Variants in CARMIL1 observed in about 807,000 individuals in gnomAD.
CARMIL1 encodes the protein capping protein regulator and myosin 1 linker 1, also known as F-actin-uncapping protein LRRC16A.
Under a neutral mutation model 177.1 loss-of-function variants are expected in CARMIL1, and 90 were observed. The observed-to-expected ratio is 0.51, with a 90% CI of 0.43 to 0.61. The LOEUF is 0.61. CARMIL1 is among the 20% of genes least tolerant of loss of function. CARMIL1 has a pLI of 0.00. For missense variants in CARMIL1, 1,380 were observed against 1,667.0 expected, an observed-to-expected ratio of 0.83 and a Z score of 3.00; for synonymous variants, 577 against 606.2, an observed-to-expected ratio of 0.95 and a Z score of 0.71.
At chr6:25,373,870 C>T (rs1269644635) in intron 2 of CARMIL1, among the ~76,000 whole-genome samples, 3 of 152,222 alleles carry the variant, frequency 2.0e-5, no homozygotes, top group African/African-American at 7.2e-5. Context: ...GCCTGAGCCA[C>T]TGTGCCCGGC....
chr6:25,581,298 C>T lies in CARMIL1; in HGVS notation c.2865C>T (p.Asp955=). 6.2e-7 allele frequency: 1 copy of T among 1,613,836 alleles called. No homozygotes were observed. The change falls in exon 31 of 37, where the codon GAC becomes GAT. Residue 955 remains aspartate, a synonymous_variant. Coordinates refer to ENST00000329474, the MANE Select transcript of CARMIL1 (RefSeq NM_017640.6). The part of the protein sequence containing the change: ...ALEEVPIHIE[D]PPFPSLRQEK... ...AAGAGGTACCAATTCACATCGAAGA[C>T]CCGCCCTTCCCATCCCTCAGACAGG...
At chr6:25,609,983 A>C (rs553274084) in intron 35 of CARMIL1, 67 bp from the exon 36 acceptor site, 2 of 1,445,690 alleles carry the variant, frequency 1.4e-6, no homozygotes, top group East Asian at 4.9e-5. Flanking sequence ...ATATAGATTT[A>C]CCAGGCTTTA....
intron 24 of CARMIL1, among the ~76,000 whole-genome samples, chr6:25,534,583 T>A (rs1191502827): frequency 3.3e-5 from 5 of 152,162 alleles, no homozygotes; most frequent in Non-Finnish European, 7.4e-5. Context: ...AAAATTTTTT[T>A]AAAAGCTTAT....
chr6:25,479,487 C>T (rs188742763), intron 11 of CARMIL1, among the ~76,000 whole-genome samples: 224 of 152,222 alleles, frequency 1.5e-3, no homozygotes, highest in African/African-American at 5.1e-3. Flanking sequence ...TATAATTCAA[C>T]GCCTGTAAGA....
rs1446738161 is a variant in CARMIL1 at position 25,619,683 on chromosome 6, T to C, written c.*100T>C. 1.0e-5 allele frequency: 12 copies of C among 1,199,862 alleles called. No homozygotes were observed. The highest frequency in any genetic ancestry group is 1.3e-5 in the Non-Finnish European group (12 of 895,968). 74.3% of individuals were successfully genotyped at this position (1,199,862 alleles called of 1,614,324 possible). Reference sequence around the variant, plus strand: ...TTCTTCCCAGGCGTTCTTCTCTGGGTGCTTTATTCTCTTCTTTTTCTTTAT... The same window carrying C: ...TTCTTCCCAGGCGTTCTTCTCTGGGCGCTTTATTCTCTTCTTTTTCTTTAT... On this transcript the variant is annotated 3_prime_UTR_variant, in exon 37 of 37. Coordinates refer to ENST00000329474, the MANE Select transcript of CARMIL1 (RefSeq NM_017640.6).
intron 26 of CARMIL1, among the ~76,000 whole-genome samples, chr6:25,548,910 A>G (rs113049677): frequency 2.5e-3 from 385 of 152,302 alleles, no homozygotes; most frequent in African/African-American, 8.0e-3. Context: ...TCTAAAGTCT[A>G]TCTTCACCTA....
intron 2 of CARMIL1, among the ~76,000 whole-genome samples, chr6:25,419,581 G>A (rs888707628): frequency 9.2e-5 from 14 of 152,210 alleles, no homozygotes; most frequent in Non-Finnish European, 1.5e-4. Context: ...GACTGAGAGA[G>A]GCACAGCTGA....
chr6:25,453,154 T>C, intron 8 of CARMIL1, among the ~76,000 whole-genome samples: 1 of 152,200 alleles, frequency 6.6e-6, no homozygotes, highest in African/African-American at 2.4e-5. Flanking sequence ...TTATAAAAGT[T>C]TTTTGAAGTA....
At chr6:25,384,014 A>G (rs1000399751) in intron 2 of CARMIL1, among the ~76,000 whole-genome samples, 5 of 152,044 alleles carry the variant, frequency 3.3e-5, no homozygotes, top group African/African-American at 1.2e-4. Context: ...TAATTTTTGT[A>G]TTTTTAGTAG....
chr6:25,538,128 C>G, intron 25 of CARMIL1, 145 bp downstream of exon 25: 1 of 841,312 alleles, frequency 1.2e-6, no homozygotes, highest in Non-Finnish European at 1.8e-6. Flanking sequence ...TTAGCCTTGA[C>G]CTCCTTTCTG....
intron 2 of CARMIL1, among the ~76,000 whole-genome samples, chr6:25,400,364 A>G (rs1321764696): frequency 1.3e-5 from 2 of 152,198 alleles, no homozygotes; most frequent in African/African-American, 4.8e-5. Context: ...ATGAATGTGC[A>G]TCTTCCTGGA....
chr6:25,613,241 G>A (rs1816641085), intron 36 of CARMIL1, among the ~76,000 whole-genome samples: 1 of 152,048 alleles, frequency 6.6e-6, no homozygotes, highest in Non-Finnish European at 1.5e-5. Context: ...TTCAACTGTG[G>A]TTGGATCAGA....
chr6:25,432,541 C>T (rs12524673), intron 4 of CARMIL1, among the ~76,000 whole-genome samples: 15,001 of 152,146 alleles, frequency 0.099, 1,114 homozygotes, highest in East Asian at 0.3. Flanking sequence ...TTCTGGTGCT[C>T]GAGTTTTATT....
At chr6:25,549,415 A>G (rs1306614655) in intron 26 of CARMIL1, among the ~76,000 whole-genome samples, 1 of 152,204 alleles carries the variant, frequency 6.6e-6, no homozygotes, top group East Asian at 1.9e-4. Context: ...CTCAGTGTCA[A>G]AGAGGAGACT....
intron 12 of CARMIL1, among the ~76,000 whole-genome samples, chr6:25,483,190 C>T (rs1179343920): frequency 1.3e-5 from 2 of 152,196 alleles, no homozygotes; most frequent in Non-Finnish European, 2.9e-5. Flanking sequence ...TATTTATCTG[C>T]AGCACCTGGC....
At chr6:25,322,747 G>A (rs6929432) in intron 2 of CARMIL1, among the ~76,000 whole-genome samples, 7,889 of 152,254 alleles carry the variant, frequency 0.052, 329 homozygotes, top group African/African-American at 0.11. Flanking sequence ...TCTGTGATGT[G>A]CAGGTAGCTT....
At chr6:25,295,602 T>G (rs1782319134) in intron 2 of CARMIL1, among the ~76,000 whole-genome samples, 1 of 152,256 alleles carries the variant, frequency 6.6e-6, no homozygotes, top group South Asian at 2.1e-4. Context: ...AGAGTCTACT[T>G]GGCAGAATGG....
intron 8 of CARMIL1, among the ~76,000 whole-genome samples, chr6:25,463,274 C>A (rs572194537): frequency 6.3e-4 from 96 of 152,092 alleles, no homozygotes; most frequent in South Asian, 1.2e-3. Context: ...GCATTTATAT[C>A]TTTTTTTATA....
chr6:25,614,283 A>G (rs570349152), intron 36 of CARMIL1, among the ~76,000 whole-genome samples: 75 of 152,320 alleles, frequency 4.9e-4, no homozygotes, highest in African/African-American at 1.7e-3. Flanking sequence ...TCAGAGCATA[A>G]AGCAAAGTCT....
Sources: gnomAD v4.1 joint callset for allele counts (sites outside exome capture counted in the v4.1 genomes callset) on GRCh38, gnomAD v4.1.1 for gene constraint, MANE v1.5 for transcripts, NCBI Gene and HGNC (gene_info 2026-07-23, HGNC 2026-07-21) for gene names.